The following GNG12 variants were observed in gnomAD, a reference collection of about 807,000 sequenced individuals.
The protein encoded by GNG12 is G protein subunit gamma 12, also known as guanine nucleotide-binding protein G(I)/G(S)/G(O) subunit gamma-12.
For synonymous variants in GNG12, 28 were observed against 29.7 expected (o/e 0.94, Z 0.19); for missense variants, 69 against 83.8 (o/e 0.82, Z 0.69).
intron 2 of GNG12, among the ~76,000 whole-genome samples, chr1:67,757,969 G>T (rs1192433306): frequency 6.6e-6 from 1 of 151,930 alleles, no homozygotes; most frequent in Non-Finnish European, 1.5e-5. Context: ...TTGGCTTTGG[G>T]TTTCCTTTTT....
At chr1:67,766,426 T>C in intron 2 of GNG12, among the ~76,000 whole-genome samples, 1 of 152,108 alleles carries the variant, frequency 6.6e-6, no homozygotes, top group South Asian at 2.1e-4. Flanking sequence ...TCACTTCGGC[T>C]GATGAGCAAA....
At chr1:67,778,685 T>C (rs989466903) in intron 1 of GNG12, among the ~76,000 whole-genome samples, 5 of 152,196 alleles carry the variant, frequency 3.3e-5, no homozygotes, top group Non-Finnish European at 7.3e-5. Context: ...AGGGGTTACA[T>C]TATTTACACA....
At chr1:67,774,838 G>A (rs1388939078) in intron 2 of GNG12, among the ~76,000 whole-genome samples, 6 of 151,972 alleles carry the variant, frequency 3.9e-5, no homozygotes, top group African/African-American at 1.2e-4. Context: ...CAGGCATTTT[G>A]AAGAGGAAAA....
chr1:67,760,282 G>A (rs1224622117), intron 2 of GNG12, among the ~76,000 whole-genome samples: 1 of 152,162 alleles, frequency 6.6e-6, no homozygotes, highest in Non-Finnish European at 1.5e-5. Context: ...AACTCCCTGA[G>A]TTTCCAAGGC....
chr1:67,817,807 T>TTTC (rs1646962081), intron 1 of GNG12, among the ~76,000 whole-genome samples: 1 of 82,060 alleles, frequency 1.2e-5, no homozygotes, highest in Admixed American at 1.3e-4. Context: ...TTTTTTTTTT[T>TTTC]GCGATGTCTC....
chr1:67,761,766 G>A (rs1646606260), intron 2 of GNG12, among the ~76,000 whole-genome samples: 1 of 152,180 alleles, frequency 6.6e-6, no homozygotes, highest in African/African-American at 2.4e-5. Context: ...CTGAGGGTAT[G>A]TGCACACCAT....
intron 2 of GNG12, among the ~76,000 whole-genome samples, chr1:67,726,702 T>G (rs562155163): frequency 6.6e-6 from 1 of 152,356 alleles, no homozygotes; most frequent in African/African-American, 2.4e-5. Flanking sequence ...TAAATATCAA[T>G]TAGGAACTGT....
chr1:67,771,559 C>A (rs950357161), intron 2 of GNG12, among the ~76,000 whole-genome samples: 2 of 152,206 alleles, frequency 1.3e-5, no homozygotes, highest in African/African-American at 4.8e-5. Context: ...AGTCCCTGAG[C>A]TAGAAAACCA....
chr1:67,785,035 T>C (rs764107797), intron 1 of GNG12, among the ~76,000 whole-genome samples: 2 of 152,160 alleles, frequency 1.3e-5, no homozygotes, highest in Non-Finnish European at 2.9e-5. Flanking sequence ...AACCAGACTC[T>C]GAATCCCTCT....
At chr1:67,741,926 T>C (rs1646484894) in intron 2 of GNG12, among the ~76,000 whole-genome samples, 1 of 152,240 alleles carries the variant, frequency 6.6e-6, no homozygotes, top group Non-Finnish European at 1.5e-5. Context: ...GCAGATGCAC[T>C]TGGATATGGC....
Position 67,761,987 on chromosome 1 carries a change from G to A in GNG12, c.-27+15471C>T, listed in dbSNP as rs114305998. Among the ~76,000 whole-genome samples the A allele has an allele frequency of 7.4e-3, 1,120 of 152,268 alleles. 11 individuals carry two copies. Among genetic ancestry groups the A allele is most frequent in the African/African-American group, 0.026 (1,074 of 41,548 alleles). On this transcript the variant is annotated intron_variant, in intron 2 of 3. Coordinates refer to ENST00000370982, the MANE Select transcript of GNG12 (RefSeq NM_018841.6). Reference sequence around the variant, plus strand: ...CCCAGTGGGACCTAGAGCTTCCCAGGTCTTGTAAGACTCTGGCCTCTTTGT... The same window carrying A: ...CCCAGTGGGACCTAGAGCTTCCCAGATCTTGTAAGACTCTGGCCTCTTTGT...
At chr1:67,738,762 T>C (rs1646466100) in intron 2 of GNG12, among the ~76,000 whole-genome samples, 1 of 152,210 alleles carries the variant, frequency 6.6e-6, no homozygotes, top group South Asian at 2.1e-4. Flanking sequence ...CCTGTGGTCT[T>C]AGCTACTCCT....
chr1:67,762,366 G>T (rs1646610680), intron 2 of GNG12, among the ~76,000 whole-genome samples: 1 of 152,150 alleles, frequency 6.6e-6, no homozygotes, highest in Non-Finnish European at 1.5e-5. Flanking sequence ...GATTGAGGAG[G>T]TGCTGATTCC....
intron 1 of GNG12, among the ~76,000 whole-genome samples, chr1:67,820,320 C>T (rs188697127): frequency 2.0e-4 from 30 of 150,052 alleles, no homozygotes; most frequent in African/African-American, 5.4e-4. Flanking sequence ...ACCCGGATGG[C>T]GGAGGTTGCC....
At chr1:67,716,138 G>A (rs1366839449) in intron 2 of GNG12, among the ~76,000 whole-genome samples, 1 of 152,302 alleles carries the variant, frequency 6.6e-6, no homozygotes, top group Non-Finnish European at 1.5e-5. Flanking sequence ...GGTGGGAAAT[G>A]TGGTTTCGGG....
At chr1:67,783,301 C>T (rs1646747492) in intron 1 of GNG12, among the ~76,000 whole-genome samples, 2 of 152,174 alleles carry the variant, frequency 1.3e-5, no homozygotes, top group Non-Finnish European at 2.9e-5. Context: ...TTACAATGGA[C>T]ATCTTCATGG....
intron 1 of GNG12, among the ~76,000 whole-genome samples, chr1:67,783,763 G>A (rs1341001056): frequency 6.6e-6 from 1 of 152,118 alleles, no homozygotes; most frequent in Non-Finnish European, 1.5e-5. Context: ...AAACCACAAT[G>A]AGATACCATC....
intron 1 of GNG12, among the ~76,000 whole-genome samples, chr1:67,828,575 T>C (rs1647024426): frequency 6.6e-6 from 1 of 152,212 alleles, no homozygotes; most frequent in Admixed American, 6.5e-5. Context: ...ATATAATATA[T>C]ACAATTGTGC....
chr1:67,797,805 C>T (rs1011794588), intron 1 of GNG12, among the ~76,000 whole-genome samples: 4 of 152,142 alleles, frequency 2.6e-5, no homozygotes, highest in African/African-American at 7.2e-5. Context: ...TAGCATTTAA[C>T]GAGAGAACCA....
Sources: allele counts gnomAD v4.1 joint callset (sites outside exome capture counted in the v4.1 genomes callset), GRCh38; gene constraint gnomAD v4.1.1; transcripts MANE v1.5; gene names NCBI Gene and HGNC (gene_info 2026-07-23, HGNC 2026-07-21).